Variants in OSBPL9 observed in about 807,000 individuals in gnomAD.
OSBPL9 encodes the protein oxysterol-binding protein-related protein 9.
In OSBPL9, 40 loss-of-function variants were observed where a neutral mutation model predicts 106.6. The observed-to-expected ratio is 0.38, with a 90% CI of 0.29 to 0.49. The LOEUF (loss-of-function observed/expected upper bound fraction) is 0.49, where lower values mean the gene tolerates loss of function less well. Among genes scored for constraint, OSBPL9 ranks in the 20% least tolerant of loss-of-function variants. The probability of loss-of-function intolerance (pLI) is 0.97; values close to 1 mark genes in which losing one functional copy is unlikely to be tolerated. For missense variants in OSBPL9, 609 were observed against 887.2 expected, an observed-to-expected ratio of 0.69 and a Z score of 3.98; for synonymous variants, 269 against 295.4, an observed-to-expected ratio of 0.91 and a Z score of 0.92.
chr1:51,680,912 A>G (rs748977846), intron 3 of OSBPL9, among the ~76,000 whole-genome samples: 11 of 152,078 alleles, frequency 7.2e-5, no homozygotes, highest in Admixed American at 2.0e-4. Flanking sequence ...TGTTTTCATC[A>G]CACCCCTCAT....
chr1:51,682,146 G>C (rs1349905464), intron 3 of OSBPL9, among the ~76,000 whole-genome samples: 1 of 152,090 alleles, frequency 6.6e-6, no homozygotes, highest in Non-Finnish European at 1.5e-5. Context: ...AGAGGTTGCA[G>C]TGAGCCAAGA....
chr1:51,765,951 A>C lies in OSBPL9; in HGVS notation c.908A>C (p.Gln303Pro). The stretch of plus-strand genomic sequence containing the variant: ...TTTTATGATGCTGATGAATTCCATC[A>C]AAGTGGCTCATCCCCAAAGCGCTTA... ...DEFYDADEFHQSGSSPKRLID... is the reference protein window; with the variant it reads ...DEFYDADEFHPSGSSPKRLID... Residue 303 changes from glutamine (Q) to proline (P), a missense_variant, in exon 12 of 24, where the codon CAA (glutamine) becomes CCA (proline). Transcript: ENST00000428468. 2 of 1,614,006 alleles carry C rather than the reference A, an allele frequency of 1.2e-6. No individual in the cohort carries two copies. The highest frequency in any genetic ancestry group is 2.2e-5 in the South Asian group (2 of 91,058).
chr1:51,531,923 G>A, the OSBPL9 span, among the ~76,000 whole-genome samples: 2 of 152,310 alleles, frequency 1.3e-5, no homozygotes, highest in Middle Eastern at 3.4e-3. Context: ...TGAGCTTAGA[G>A]GAAAACCAGG....
Position 51,729,738 on chromosome 1 carries a change from CTT to C in OSBPL9, c.318+15661_318+15662del. The C allele has an allele frequency of 2.9e-6, 3 of 1,051,764 alleles. No individual in the cohort carries two copies. The highest frequency in any genetic ancestry group is 3.7e-6 in the Non-Finnish European group (3 of 821,908). 65.2% of individuals were successfully genotyped at this position (1,051,764 alleles called of 1,614,324 possible). A position where few individuals can be genotyped will look rare whatever the true frequency, so the allele number is the denominator to read the frequency against. On this transcript the variant is annotated intron_variant, in intron 4 of 23. Transcript: ENST00000428468. The surrounding 1 kb of genome is among the most constrained non-coding windows in gnomAD (Gnocchi z 5.1). ...ACCCATGGCCAATCGCCAGGGGTCT[CTT>C]TGCCAGGAGCCGCCAGGGCCAGCCA...
At chr1:51,623,268 A>G (rs532684714) in intron 1 of OSBPL9, among the ~76,000 whole-genome samples, 6 of 152,296 alleles carry the variant, frequency 3.9e-5, no homozygotes, top group African/African-American at 1.4e-4. Context: ...CAAAGAGGAC[A>G]TGGAATGTGG....
At chr1:51,625,527 C>CTT (rs113738844) in intron 1 of OSBPL9, among the ~76,000 whole-genome samples, 2 of 142,168 alleles carry the variant, frequency 1.4e-5, no homozygotes, top group South Asian at 2.2e-4. Flanking sequence ...TCTTCTTCTT[C>CTT]TTTTTTTTTT....
intron 11 of OSBPL9, among the ~76,000 whole-genome samples, chr1:51,763,392 C>G (rs909924120): frequency 6.6e-6 from 1 of 152,140 alleles, no homozygotes. Context: ...CTAGATTTAT[C>G]TTGTTTTAAA....
chr1:51,625,686 C>T (rs1644726291), intron 1 of OSBPL9, among the ~76,000 whole-genome samples: 1 of 152,010 alleles, frequency 6.6e-6, no homozygotes, highest in South Asian at 2.1e-4. Flanking sequence ...ACCACACTGG[C>T]TAACTTTTTG....
intron 3 of OSBPL9, among the ~76,000 whole-genome samples, chr1:51,700,966 T>A (rs1248466624): frequency 6.6e-6 from 1 of 151,382 alleles, no homozygotes; most frequent in Non-Finnish European, 1.5e-5. Context: ...TGAGATGGAG[T>A]CTCCCTGTTG....
intron 8 of OSBPL9, among the ~76,000 whole-genome samples, 170 bp downstream of exon 8, chr1:51,750,365 C>G (rs529689051): frequency 6.6e-6 from 1 of 152,270 alleles, no homozygotes; most frequent in African/African-American, 2.4e-5. Context: ...ATTATCTTAG[C>G]TACTGTTTCT....
intron 1 of OSBPL9, among the ~76,000 whole-genome samples, chr1:51,629,359 G>C (rs1405233811): frequency 6.6e-6 from 1 of 152,116 alleles, no homozygotes; most frequent in Non-Finnish European, 1.5e-5. Context: ...GCAGTGCCTG[G>C]CACTTAGTGG....
At chr1:51,642,521 TTGTCC>T (rs770986891) in intron 1 of OSBPL9, among the ~76,000 whole-genome samples, 1 of 152,124 alleles carries the variant, frequency 6.6e-6, no homozygotes, top group Non-Finnish European at 1.5e-5. Context: ...GCCAGGTCAA[TTGTCC>T]TGCGTGAGTA....
chr1:51,540,378 C>T, the OSBPL9 span, among the ~76,000 whole-genome samples: 16 of 152,052 alleles, frequency 1.1e-4, no homozygotes, highest in East Asian at 1.5e-3. Context: ...ATTTGTTAGC[C>T]GGGCGTGGTG....
chr1:51,605,601 T>C (rs1323448088), intron 2 of OSBPL9, among the ~76,000 whole-genome samples: 2 of 152,192 alleles, frequency 1.3e-5, no homozygotes, highest in South Asian at 2.1e-4. Flanking sequence ...TTTAGGGAAC[T>C]GGTATCATAT....
At chr1:51,745,448 G>A in intron 4 of OSBPL9, 88 bp from the exon 5 acceptor site, 1 of 1,519,916 alleles carries the variant, frequency 6.6e-7, no homozygotes, top group Middle Eastern at 1.8e-4. Flanking sequence ...AAATTGAAAT[G>A]TCTTCATGTA....
At chr1:51,786,140 A>T (rs1004413162) in intron 21 of OSBPL9, 6 of 505,960 alleles carry the variant, frequency 1.2e-5, no homozygotes, top group African/African-American at 1.0e-4. Flanking sequence ...AACACTTGAG[A>T]ATAATATATG....
At chr1:51,756,576 A>G (rs1163826826) in intron 9 of OSBPL9, 1 of 524,590 alleles carries the variant, frequency 1.9e-6, no homozygotes, top group Admixed American at 3.2e-5. Flanking sequence ...GTTCAGATTG[A>G]ATCACTTTGC....
chr1:51,784,979 C>G (rs912763707), intron 20 of OSBPL9: 7 of 198,656 alleles, frequency 3.5e-5, no homozygotes, highest in African/African-American at 1.7e-4. Flanking sequence ...TTTTCTGTGC[C>G]TTTGCTGGGG....
intron 1 of OSBPL9, among the ~76,000 whole-genome samples, chr1:51,597,423 A>ATATGTG (rs1405804661): frequency 1.0e-4 from 14 of 135,836 alleles, no homozygotes; most frequent in Admixed American, 4.3e-4. Context: ...ATATATATAT[A>ATATGTG]TGTGTGTGTG....
Sources: gnomAD v4.1 joint callset for allele counts (sites outside exome capture counted in the v4.1 genomes callset) on GRCh38, gnomAD v4.1.1 for gene constraint, Gnocchi (gnomAD v3.1) non-coding constraint, MANE v1.5 for transcripts, NCBI Gene and HGNC (gene_info 2026-07-23, HGNC 2026-07-21) for gene names.